The following UCK2 variants were observed in gnomAD, a reference collection of about 807,000 sequenced individuals.
UCK2 encodes the protein uridine-cytidine kinase 2.
UCK2 carries 6 observed loss-of-function variants against 30.8 expected under a neutral mutation model. The observed-to-expected ratio is 0.19, with a 90% CI of 0.11 to 0.38. The LOEUF (loss-of-function observed/expected upper bound fraction) is 0.38. Among genes scored for constraint, UCK2 ranks in the 10% least tolerant of loss-of-function variants. The pLI is 1.00. For synonymous variants in UCK2, 125 were observed against 133.6 expected (o/e 0.94, Z 0.45); for missense variants, 210 against 339.8 (o/e 0.62, Z 3.00).
chr1:165,841,780 C>T (rs1180766333), intron 1 of UCK2, among the ~76,000 whole-genome samples: 1 of 152,116 alleles, frequency 6.6e-6, no homozygotes, highest in Non-Finnish European at 1.5e-5. Context: ...TTAAGTAGTA[C>T]TCCCTTTACT....
chr1:165,863,737 T>C (rs937155069), intron 1 of UCK2, among the ~76,000 whole-genome samples: 10 of 152,212 alleles, frequency 6.6e-5, no homozygotes, highest in African/African-American at 1.7e-4. Context: ...AAATAACCTC[T>C]AGCAGGGTGC....
chr1:165,835,714 G>T (rs1654171212), intron 1 of UCK2, among the ~76,000 whole-genome samples: 1 of 152,020 alleles, frequency 6.6e-6, no homozygotes. Context: ...AGTCAGAAAT[G>T]TTTATTTTTC....
chr1:165,841,863 G>A (rs571033128), intron 1 of UCK2, among the ~76,000 whole-genome samples: 1 of 152,286 alleles, frequency 6.6e-6, no homozygotes, highest in South Asian at 2.1e-4. Context: ...ATCCTGCAGT[G>A]TCAGTTATCC....
At chr1:165,859,639 T>C (rs1160552579) in intron 1 of UCK2, among the ~76,000 whole-genome samples, 1 of 151,922 alleles carries the variant, frequency 6.6e-6, no homozygotes. Context: ...CTAGGCAACA[T>C]GGTAAAATTC....
At chr1:165,832,057 C>T (rs1003383555) in intron 1 of UCK2, among the ~76,000 whole-genome samples, 6 of 152,190 alleles carry the variant, frequency 3.9e-5, no homozygotes, top group African/African-American at 7.2e-5. Flanking sequence ...GCATGAGCCA[C>T]CGTGCCCGGC....
intron 3 of UCK2, 151 bp from the exon 4 acceptor site, chr1:165,896,039 A>T: frequency 1.0e-6 from 1 of 989,682 alleles, no homozygotes; most frequent in Non-Finnish European, 1.5e-6. Flanking sequence ...AGGGCTCTGT[A>T]AGACCATATT....
intron 1 of UCK2, among the ~76,000 whole-genome samples, chr1:165,836,138 G>A (rs1275931565): frequency 1.3e-5 from 2 of 152,114 alleles, no homozygotes; most frequent in African/African-American, 4.8e-5. Flanking sequence ...TGAGGCAGGA[G>A]AATCACTTGA....
At chr1:165,885,245 G>C in intron 1 of UCK2, 1 of 394,458 alleles carries the variant, frequency 2.5e-6, no homozygotes, top group Non-Finnish European at 4.5e-6. Context: ...TATGGTTTGA[G>C]ACTCAGCTTT....
intron 1 of UCK2, among the ~76,000 whole-genome samples, chr1:165,876,957 G>T (rs1164406132): frequency 6.6e-6 from 1 of 152,158 alleles, no homozygotes; most frequent in African/African-American, 2.4e-5. Flanking sequence ...CCTAATTCAG[G>T]ATGATCTCAT....
chr1:165,895,832 C>A, intron 3 of UCK2: 1 of 212,104 alleles, frequency 4.7e-6, no homozygotes, highest in Non-Finnish European at 8.6e-6. Flanking sequence ...GAGAGCATTC[C>A]TGGAGACGCC....
rs879713454 is a variant in UCK2 at position 165,856,235 on chromosome 1, C to CT, written c.99+28304dup. On this transcript the variant is annotated intron_variant, in intron 1 of 6. Transcript: ENST00000367879. ...CAAGCTCACACAGCTAATCAGTGGCCTAGCCAGTGCTTGAATCTTCTCTTT... is the reference window on the plus strand; with the variant it reads ...CAAGCTCACACAGCTAATCAGTGGCCTTAGCCAGTGCTTGAATCTTCTCTTT... Among the ~76,000 whole-genome samples the CT allele has an allele frequency of 2.0e-5, 3 of 152,034 alleles. No individual in the cohort carries two copies. In the East Asian group the frequency reaches 5.8e-4, roughly 29 times the overall value.
intron 4 of UCK2, among the ~76,000 whole-genome samples, 181 bp downstream of exon 4, chr1:165,896,513 A>C (rs1356518147): frequency 6.6e-6 from 1 of 152,206 alleles, no homozygotes; most frequent in African/African-American, 2.4e-5. Context: ...TGCTGCCCAG[A>C]CACTTGGTAA....
At position 165,885,816 on chromosome 1, in the gene UCK2, G is replaced by A. The variant is rs570646392; in HGVS notation, c.100-4388G>A. Among the ~76,000 whole-genome samples, 42 of 152,334 alleles carry A rather than the reference G, an allele frequency of 2.8e-4. 1 individual carries two copies. In the South Asian group the frequency reaches 7.5e-3, roughly 27 times the overall value. ...TCACATAAGCTTGTGGTATGCAAAT[G>A]AGATCATTTTAAAGTGCTGAGCCCA... On this transcript the variant is annotated intron_variant, in intron 1 of 6. Coordinates refer to ENST00000367879, the MANE Select transcript of UCK2 (RefSeq NM_012474.5).
chr1:165,856,041 A>G (rs189529610), intron 1 of UCK2, among the ~76,000 whole-genome samples: 11 of 152,338 alleles, frequency 7.2e-5, no homozygotes, highest in African/African-American at 2.6e-4. Context: ...ATGAAAATAT[A>G]TATAAACCAT....
intron 1 of UCK2, among the ~76,000 whole-genome samples, chr1:165,863,026 G>A (rs1346598696): frequency 6.6e-6 from 1 of 152,176 alleles, no homozygotes; most frequent in Non-Finnish European, 1.5e-5. Flanking sequence ...GCCAGATGGG[G>A]AACATAGGAA....
intron 1 of UCK2, among the ~76,000 whole-genome samples, chr1:165,884,312 TG>T (rs1655567877): frequency 6.6e-6 from 1 of 152,236 alleles, no homozygotes; most frequent in Admixed American, 6.5e-5. Flanking sequence ...TGGCTGTGGT[TG>T]CTAAGTTTTC....
intron 1 of UCK2, among the ~76,000 whole-genome samples, chr1:165,888,589 A>G (rs1192355765): frequency 1.3e-5 from 2 of 151,308 alleles, no homozygotes; most frequent in Admixed American, 1.3e-4. Flanking sequence ...TGCCTGGCCT[A>G]AATATGCTGT....
Position 165,907,956 on chromosome 1 carries a change from G to A in UCK2, c.*133G>A. The A allele has an allele frequency of 2.3e-6, 3 of 1,302,796 alleles. No homozygotes were observed. The highest frequency in any genetic ancestry group is 3.6e-5 in the South Asian group (2 of 55,370). The allele number at this position is 1,302,796 out of a possible 1,614,324, so 80.7% of individuals were successfully genotyped here. On this transcript the variant is annotated 3_prime_UTR_variant, in exon 7 of 7. Transcript: ENST00000367879. ...AACACCATGGAGATGAAATGCCTTT[G>A]ATTTTTTTTTTCTTTTTGTACTTTG...
chr1:165,906,505 T>C (rs1647665614), intron 6 of UCK2, among the ~76,000 whole-genome samples: 1 of 152,240 alleles, frequency 6.6e-6, no homozygotes, highest in South Asian at 2.1e-4. Context: ...TAGCTGGGAC[T>C]ACAGGCTTGC....
Sources: gnomAD v4.1 joint callset for allele counts (sites outside exome capture counted in the v4.1 genomes callset) on GRCh38, gnomAD v4.1.1 for gene constraint, MANE v1.5 for transcripts, NCBI Gene and HGNC (gene_info 2026-07-23, HGNC 2026-07-21) for gene names.